The following CNTNAP2 variants were observed in gnomAD, a reference collection of about 807,000 sequenced individuals.
The protein encoded by CNTNAP2 is contactin associated protein 2.
CNTNAP2 carries 98 observed loss-of-function variants against 155.2 expected under a neutral mutation model. The ratio of observed to expected loss-of-function variants is 0.63; its 90% CI spans 0.54 to 0.75. The LOEUF is 0.75. Ranked by LOEUF, CNTNAP2 falls within the 30% of genes least tolerant of loss-of-function variation. The probability of loss-of-function intolerance (pLI) is 0.00; values close to 1 mark genes in which losing one functional copy is unlikely to be tolerated. For synonymous variants in CNTNAP2, 651 were observed against 631.2 expected, an observed-to-expected ratio of 1.03 and a Z score of -0.47; for missense variants, 1,727 against 1,688.1, an observed-to-expected ratio of 1.02 and a Z score of -0.40.
chr7:147,084,888 A>C (rs10253145), intron 4 of CNTNAP2, among the ~76,000 whole-genome samples: 26,868 of 150,098 alleles, frequency 0.18, 2,717 homozygotes, highest in East Asian at 0.39. Flanking sequence ...TATATGTAGC[A>C]TGAGGTTGTG....
intron 3 of CNTNAP2, 128 bp from the exon 4 acceptor site, chr7:147,043,779 A>G (rs1799303648): frequency 2.6e-6 from 3 of 1,171,710 alleles, no homozygotes; most frequent in Non-Finnish European, 1.2e-6. Context: ...CTTTCTTCAA[A>G]TTATTTACGG....
chr7:148,393,547 T>G (rs1799400534), intron 22 of CNTNAP2, among the ~76,000 whole-genome samples: 1 of 151,130 alleles, frequency 6.6e-6, no homozygotes, highest in Non-Finnish European at 1.5e-5. Context: ...TCTACAGTGT[T>G]TTCATAGAAA....
intron 1 of CNTNAP2, among the ~76,000 whole-genome samples, chr7:146,144,575 T>C (rs972859309): frequency 2.0e-5 from 3 of 152,210 alleles, no homozygotes; most frequent in Non-Finnish European, 2.9e-5. Context: ...TGTGTAAAAC[T>C]CTAGCTTACT....
At chr7:147,811,402 A>G (rs983365749) in intron 13 of CNTNAP2, among the ~76,000 whole-genome samples, 1 of 152,052 alleles carries the variant, frequency 6.6e-6, no homozygotes, top group Admixed American at 6.6e-5. Flanking sequence ...CCAGCCTACT[A>G]CAGTATTTTT....
At chr7:147,106,977 C>T (rs1584847354) in intron 4 of CNTNAP2, among the ~76,000 whole-genome samples, 1 of 152,246 alleles carries the variant, frequency 6.6e-6, no homozygotes, top group African/African-American at 2.4e-5. Context: ...TCTCCAATGT[C>T]TCCCTCTGGA....
chr7:146,265,246 C>G (rs867422394), intron 1 of CNTNAP2, among the ~76,000 whole-genome samples: 55 of 151,974 alleles, frequency 3.6e-4, no homozygotes, highest in African/African-American at 1.3e-3. Flanking sequence ...TAGATTATTA[C>G]CATTATGTAT....
chr7:146,834,930 C>T (rs1332199343), intron 2 of CNTNAP2, among the ~76,000 whole-genome samples: 1 of 152,164 alleles, frequency 6.6e-6, no homozygotes, highest in Non-Finnish European at 1.5e-5. Flanking sequence ...CCCCGAATTG[C>T]ATTGCTTGAT....
intron 1 of CNTNAP2, among the ~76,000 whole-genome samples, chr7:146,647,019 G>C (rs928312991): frequency 6.6e-6 from 1 of 152,172 alleles, no homozygotes; most frequent in Non-Finnish European, 1.5e-5. Flanking sequence ...CAATATCAAT[G>C]GTCACAAGAG....
At chr7:146,561,568 A>G (rs1046409636) in intron 1 of CNTNAP2, among the ~76,000 whole-genome samples, 2 of 152,020 alleles carry the variant, frequency 1.3e-5, no homozygotes, top group African/African-American at 4.8e-5. Context: ...CTGAGGCGGG[A>G]GCGTCGCTTG....
At chr7:146,273,080 A>G (rs1021650590) in intron 1 of CNTNAP2, among the ~76,000 whole-genome samples, 2 of 127,100 alleles carry the variant, frequency 1.6e-5, no homozygotes, top group African/African-American at 9.4e-5. Flanking sequence ...GGGTGAGAGA[A>G]AGAGAAAGAG....
At position 147,099,840 on chromosome 7, in the gene CNTNAP2, G is replaced by A. The variant is rs141207127; in HGVS notation, c.551-8307G>A. Among the ~76,000 whole-genome samples, 7 of 152,298 alleles carry A rather than the reference G, an allele frequency of 4.6e-5. No homozygotes were observed. The East Asian group carries it at 1.4e-3, about 29-fold the overall frequency. ...TTCGCCAGCAAAAAAACTAGATTTTGTGTGGTCAAAAGTTGTAGAGCTATT... is the reference window on the plus strand; with the variant it reads ...TTCGCCAGCAAAAAAACTAGATTTTATGTGGTCAAAAGTTGTAGAGCTATT... On this transcript the variant is annotated intron_variant, in intron 4 of 23. Coordinates refer to ENST00000361727, the MANE Select transcript of CNTNAP2 (RefSeq NM_014141.6).
At chr7:147,566,019 G>A (rs910041576) in intron 12 of CNTNAP2, among the ~76,000 whole-genome samples, 158 of 151,112 alleles carry the variant, frequency 1.0e-3, no homozygotes, top group African/African-American at 3.4e-3. Flanking sequence ...GATGACTCAC[G>A]CCTGTAATCC....
At chr7:146,340,586 A>C (rs546825606) in intron 1 of CNTNAP2, among the ~76,000 whole-genome samples, 1 of 152,294 alleles carries the variant, frequency 6.6e-6, no homozygotes, top group East Asian at 1.9e-4. Flanking sequence ...ATTCAAATTT[A>C]AATGGACATC....
At chr7:147,057,075 C>T (rs981543994) in intron 4 of CNTNAP2, among the ~76,000 whole-genome samples, 1 of 152,052 alleles carries the variant, frequency 6.6e-6, no homozygotes, top group African/African-American at 2.4e-5. Context: ...GTTGGGATTA[C>T]AGGTGTGAGC....
chr7:146,420,398 G>A (rs192008137), intron 1 of CNTNAP2, among the ~76,000 whole-genome samples: 3 of 152,126 alleles, frequency 2.0e-5, no homozygotes, highest in Admixed American at 6.6e-5. Context: ...CTTATTCCTT[G>A]AGTCTTGCCC....
intron 13 of CNTNAP2, among the ~76,000 whole-genome samples, chr7:147,776,719 G>C (rs1163222297): frequency 1.3e-5 from 2 of 151,824 alleles, no homozygotes; most frequent in African/African-American, 4.8e-5. Flanking sequence ...TTGATTCTAA[G>C]AGCAGGTAGA....
At position 146,540,440 on chromosome 7, in the gene CNTNAP2, A is replaced by G. The variant is rs1324683197; in HGVS notation, c.98-233831A>G. ...TAACAGAAGCTGAAACTGGAATTAC[A>G]TTATAATCCATAAAAGGCTGATAAC... On this transcript the variant is annotated intron_variant, in intron 1 of 23. Coordinates refer to ENST00000361727, the MANE Select transcript of CNTNAP2 (RefSeq NM_014141.6). Among the ~76,000 whole-genome samples the G allele has an allele frequency of 2.0e-5, 3 of 152,096 alleles. No homozygotes were observed. The East Asian group carries it at 5.8e-4, about 29-fold the overall frequency.
intron 21 of CNTNAP2, among the ~76,000 whole-genome samples, chr7:148,309,952 G>C (rs1349540533): frequency 6.6e-6 from 1 of 152,170 alleles, no homozygotes; most frequent in East Asian, 1.9e-4. Context: ...CTTCGAGCGG[G>C]ATTAGGGGCG....
chr7:146,356,703 G>A (rs1262408033), intron 1 of CNTNAP2, among the ~76,000 whole-genome samples: 5 of 152,172 alleles, frequency 3.3e-5, no homozygotes. Context: ...AGCAGTTAGA[G>A]ATTTTCTAGA....
Sources: allele counts gnomAD v4.1 joint callset (sites outside exome capture counted in the v4.1 genomes callset), GRCh38; gene constraint gnomAD v4.1.1; transcripts MANE v1.5; gene names NCBI Gene and HGNC (gene_info 2026-07-23, HGNC 2026-07-21).